The following GALNT10 variants were observed in gnomAD, a reference collection of about 807,000 sequenced individuals.
GALNT10 encodes GalNAc transferase 10.
GALNT10 carries 41 observed loss-of-function variants against 75.0 expected under a neutral mutation model. The observed-to-expected ratio is 0.55, with a 90% confidence interval of 0.43 to 0.71. The LOEUF is 0.71. Ranked by LOEUF, GALNT10 falls within the 30% of genes least tolerant of loss-of-function variation. GALNT10 has a pLI of 0.00. For synonymous variants in GALNT10, 302 were observed against 313.0 expected (o/e 0.96, Z 0.37); for missense variants, 727 against 818.5 (o/e 0.89, Z 1.36).
intron 1 of GALNT10, among the ~76,000 whole-genome samples, chr5:154,215,347 G>A (rs1402420978): frequency 2.6e-5 from 4 of 152,170 alleles, no homozygotes; most frequent in African/African-American, 4.8e-5. Flanking sequence ...GCCGGGTGTG[G>A]TGGTGAGCAC....
At position 154,416,834 on chromosome 5, in the gene GALNT10, T is replaced by C; in HGVS notation, c.1674T>C (p.Pro558=). 1 of 1,613,546 alleles carries C rather than the reference T, an allele frequency of 6.2e-7. No individual in the cohort carries two copies. The highest frequency in any genetic ancestry group is 8.5e-7 in the Non-Finnish European group (1 of 1,179,406). The change falls in exon 12 of 12, where the codon CCT becomes CCC. Residue 558 remains proline (P), a synonymous_variant. Transcript: ENST00000297107. The surrounding 1 kb of genome is among the most constrained non-coding windows in gnomAD (Gnocchi z 4.5). The part of the protein sequence containing the change: ...KYRKDKTLYH[P]VSGSCMDCSE... ...TGTAGGACAAGACCCTGTACCACCC[T>C]GTCAGTGGCAGCTGCATGGACTGCA...
chr5:154,204,227 C>T (rs1775071466), intron 1 of GALNT10, among the ~76,000 whole-genome samples: 1 of 152,142 alleles, frequency 6.6e-6, no homozygotes, highest in African/African-American at 2.4e-5. Context: ...AGGATCCCTC[C>T]AGCTTTTGAT....
intron 1 of GALNT10, among the ~76,000 whole-genome samples, chr5:154,233,948 C>T (rs1753205003): frequency 6.6e-6 from 1 of 152,048 alleles, no homozygotes; most frequent in African/African-American, 2.4e-5. Context: ...ATGTCAGATT[C>T]ACCATGAAGC....
At chr5:154,204,114 A>G (rs898876291) in intron 1 of GALNT10, among the ~76,000 whole-genome samples, 1 of 152,186 alleles carries the variant, frequency 6.6e-6, no homozygotes, top group Non-Finnish European at 1.5e-5. Context: ...CTCCTCAGGT[A>G]GGAGCCACCT....
At position 154,414,246 on chromosome 5, in the gene GALNT10, C is replaced by A. The variant is rs982831311; in HGVS notation, c.1503+1241C>A. ...GAAAGTTGACCATTGAACCAGTCAT[C>A]CCACTCCTAGGTATTTATCCAAGAG... On this transcript the variant is annotated intron_variant, in intron 10 of 11. Coordinates refer to ENST00000297107, the MANE Select transcript of GALNT10 (RefSeq NM_198321.4). Among the ~76,000 whole-genome samples the A allele has an allele frequency of 3.3e-5, 5 of 152,096 alleles. No homozygotes were observed. The South Asian group carries it at 1.0e-3, about 32-fold the overall frequency.
intron 3 of GALNT10, among the ~76,000 whole-genome samples, chr5:154,319,101 A>G (rs1254687362): frequency 1.3e-5 from 2 of 152,216 alleles, no homozygotes; most frequent in Admixed American, 6.5e-5. Flanking sequence ...CAGCTGGACC[A>G]TCACTCTGCC....
intron 1 of GALNT10, among the ~76,000 whole-genome samples, chr5:154,288,816 AT>A (rs1464381181): frequency 6.6e-6 from 1 of 152,202 alleles, no homozygotes; most frequent in African/African-American, 2.4e-5. Flanking sequence ...AGTGATTGCT[AT>A]TGCATAATTG....
chr5:154,243,373 C>T (rs1366278864), intron 1 of GALNT10, among the ~76,000 whole-genome samples: 1 of 152,228 alleles, frequency 6.6e-6, no homozygotes, highest in African/African-American at 2.4e-5. Flanking sequence ...CTTCCTGTTT[C>T]CATCTGAGTA....
In GALNT10 at chr5:154,409,590, T is replaced by C; in HGVS notation, c.1214T>C (p.Ile405Thr). The change falls in exon 9 of 12, where the codon ATT becomes ACT. Residue 405 changes from isoleucine (I) to threonine (T), a missense_variant. Physicochemically the swap from Ile to Thr is moderately conservative, Grantham distance 89. Coordinates refer to ENST00000297107, the MANE Select transcript of GALNT10 (RefSeq NM_198321.4). The surrounding 1 kb of genome is among the most constrained non-coding windows in gnomAD (Gnocchi z 4.5). ...TGGATGGATGAGTACGCAGAGTACA[T>C]TTACCAGCGCCGGCCTGAATACCGC... ...EVWMDEYAEY[I>T]YQRRPEYRHL... 1 of 1,614,076 alleles carries C rather than the reference T, an allele frequency of 6.2e-7. No individual in the cohort carries two copies. Among genetic ancestry groups the C allele is most frequent in the Non-Finnish European group, 8.5e-7 (1 of 1,179,956 alleles).
chr5:154,415,017 G>A (rs1756476641), intron 10 of GALNT10, among the ~76,000 whole-genome samples: 1 of 152,116 alleles, frequency 6.6e-6, no homozygotes, highest in African/African-American at 2.4e-5. Context: ...CAGCTACTTG[G>A]GAAGCTGAGG....
intron 1 of GALNT10, among the ~76,000 whole-genome samples, chr5:154,204,243 G>A (rs1775071666): frequency 6.6e-6 from 1 of 152,192 alleles, no homozygotes; most frequent in Non-Finnish European, 1.5e-5. Context: ...TTGATACTCA[G>A]TGAGGCCCTG....
chr5:154,332,178 C>T (rs78820478), intron 4 of GALNT10, among the ~76,000 whole-genome samples: 1,725 of 152,318 alleles, frequency 0.011, 31 homozygotes, highest in African/African-American at 0.039. Flanking sequence ...AAAAAATGAG[C>T]GAACTGCTCA....
chr5:154,313,138 A>G (rs1443446874), intron 3 of GALNT10, among the ~76,000 whole-genome samples: 1 of 152,110 alleles, frequency 6.6e-6, no homozygotes, highest in African/African-American at 2.4e-5. Context: ...GTGAAACCAC[A>G]TCTCTACGAA....
chr5:154,315,488 C>A (rs190092134), intron 3 of GALNT10, among the ~76,000 whole-genome samples: 20 of 152,362 alleles, frequency 1.3e-4, no homozygotes, highest in Non-Finnish European at 2.1e-4. Context: ...GGCCTTAGCT[C>A]TCCTCTGTGT....
chr5:154,270,466 G>A (rs994634082), intron 1 of GALNT10, among the ~76,000 whole-genome samples: 2 of 151,948 alleles, frequency 1.3e-5, no homozygotes, highest in Non-Finnish European at 2.9e-5. Flanking sequence ...AGAGGCAAAT[G>A]GAGTGATTTC....
At chr5:154,287,560 T>C (rs924085763) in intron 1 of GALNT10, 1 of 152,204 alleles carries the variant, frequency 6.6e-6, no homozygotes, top group African/African-American at 2.4e-5. Context: ...CGAATTTATC[T>C]GTACAGCTTT....
intron 7 of GALNT10, 117 bp downstream of exon 7, chr5:154,386,547 C>T: frequency 1.4e-6 from 1 of 719,436 alleles, no homozygotes; most frequent in Non-Finnish European, 2.5e-6. Context: ...GTTCTGTAGC[C>T]CTTCTGCCCA....
At chr5:154,305,309 A>AG (rs1754416884) in intron 3 of GALNT10, among the ~76,000 whole-genome samples, 1 of 151,796 alleles carries the variant, frequency 6.6e-6, no homozygotes. Context: ...AAAAAAAAAA[A>AG]AAGAAGAAGA....
intron 1 of GALNT10, among the ~76,000 whole-genome samples, chr5:154,201,414 A>G (rs184660779): frequency 6.6e-6 from 1 of 151,888 alleles, no homozygotes; most frequent in East Asian, 1.9e-4. Context: ...AAAAAAAAAT[A>G]ATTACTTGGA....
Sources: allele counts gnomAD v4.1 joint callset (sites outside exome capture counted in the v4.1 genomes callset), GRCh38; gene constraint gnomAD v4.1.1; non-coding constraint Gnocchi (gnomAD v3.1); transcripts MANE v1.5; gene names NCBI Gene and HGNC (gene_info 2026-07-23, HGNC 2026-07-21).